GNAO1: variants seen among roughly 807,000 people sequenced by gnomAD.
The protein encoded by GNAO1 is guanine nucleotide-binding protein G(o) subunit alpha.
For missense variants in GNAO1, 166 were observed against 478.7 expected (o/e 0.35, Z 6.10); for synonymous variants, 164 against 180.7 (o/e 0.91, Z 0.74).
chr16:56,325,933 C>A (rs7188965), intron 3 of GNAO1, among the ~76,000 whole-genome samples: 2,399 of 152,340 alleles, frequency 0.016, 67 homozygotes, highest in African/African-American at 0.055. Flanking sequence ...TTCTCCTAAG[C>A]TTCCCACTTT....
At chr16:56,249,622 C>A (rs876619) in intron 2 of GNAO1, among the ~76,000 whole-genome samples, 19,634 of 152,080 alleles carry the variant, frequency 0.13, 1,606 homozygotes, top group African/African-American at 0.22. Flanking sequence ...TAAACCATAC[C>A]GGAAATTATG....
chr16:56,283,008 A>G (rs1390602778), intron 3 of GNAO1, among the ~76,000 whole-genome samples: 2 of 152,212 alleles, frequency 1.3e-5, no homozygotes, highest in African/African-American at 2.4e-5. Context: ...CTTGACTGCA[A>G]TGGGCATTTT....
chr16:56,195,927 C>T (rs577934363), intron 2 of GNAO1, among the ~76,000 whole-genome samples: 2 of 152,164 alleles, frequency 1.3e-5, no homozygotes, highest in Admixed American at 1.3e-4. Flanking sequence ...AATAAAGGAC[C>T]GGCTGGCAAT....
chr16:56,291,006 T>C (rs1182312037), intron 3 of GNAO1, among the ~76,000 whole-genome samples: 1 of 152,232 alleles, frequency 6.6e-6, no homozygotes, highest in Non-Finnish European at 1.5e-5. Flanking sequence ...ATTTCATTCA[T>C]CTATTCATCA....
At chr16:56,273,978 A>G (rs1290551150) in intron 2 of GNAO1, among the ~76,000 whole-genome samples, 10 of 152,320 alleles carry the variant, frequency 6.6e-5, no homozygotes, top group Admixed American at 3.9e-4. Context: ...ACAGACTCCA[A>G]GGAGACCCCT....
At position 56,328,791 on chromosome 16, in the gene GNAO1, A is replaced by T; in HGVS notation, c.464A>T (p.Tyr155Phe). Reference sequence around the variant, plus strand: ...TATCAGCTCAACGACTCTGCCAAATAGTGAGTGTCCCAGCGGGCGCATGGC... The same window carrying T: ...TATCAGCTCAACGACTCTGCCAAATTGTGAGTGTCCCAGCGGGCGCATGGC... ...REYQLNDSAK[Y>F]YLDSLDRIGA... Residue 155 changes from tyrosine to phenylalanine, a missense_variant and splice_region_variant, in exon 4 of 9, where the codon TAC becomes TTC. Coordinates refer to ENST00000262493, the MANE Select transcript of GNAO1 (RefSeq NM_020988.3). The T allele has an allele frequency of 1.2e-6, 2 of 1,613,974 alleles. No homozygotes were observed. The highest frequency in any genetic ancestry group is 8.5e-7 in the Non-Finnish European group (1 of 1,179,810).
chr16:56,303,473 C>T (rs1388878269), intron 3 of GNAO1, among the ~76,000 whole-genome samples: 4 of 152,206 alleles, frequency 2.6e-5, no homozygotes, highest in South Asian at 2.1e-4. Flanking sequence ...CTGCAAGGGG[C>T]TCTGCTGAGG....
chr16:56,239,460 C>T (rs1349533031), intron 2 of GNAO1, among the ~76,000 whole-genome samples: 2 of 152,164 alleles, frequency 1.3e-5, no homozygotes, highest in Non-Finnish European at 2.9e-5. Context: ...AAAAAACCTT[C>T]CAAGGACAGA....
intron 2 of GNAO1, chr16:56,245,665 A>G (rs1224471217): frequency 6.5e-6 from 1 of 154,676 alleles, no homozygotes; most frequent in East Asian, 1.9e-4. Flanking sequence ...AAAGAGAGCA[A>G]TTCTTGGGTA....
intron 2 of GNAO1, among the ~76,000 whole-genome samples, chr16:56,264,955 GTCTTC>G (rs1486568817): frequency 6.6e-6 from 1 of 152,148 alleles, no homozygotes; most frequent in African/African-American, 2.4e-5. Flanking sequence ...TTTTAGCTGA[GTCTTC>G]TCTTCTTTCC....
At position 56,278,384 on chromosome 16, in the gene GNAO1, G is replaced by A. The variant is rs545333594; in HGVS notation, c.303+2312G>A. On this transcript the variant is annotated intron_variant, in intron 3 of 8. Transcript: ENST00000262493. ...CCCCTTCCTGTATTCTTACACCTGT[G>A]AGGAGCAGGAAAGGAGTGAACCCGA... 1.2e-4 allele frequency among the ~76,000 whole-genome samples: 18 copies of A among 152,314 alleles called. No individual in the cohort carries two copies. The South Asian group carries it at 3.3e-3, about 28-fold the overall frequency.
chr16:56,227,110 AT>A (rs1454268235), intron 2 of GNAO1, among the ~76,000 whole-genome samples: 1 of 151,928 alleles, frequency 6.6e-6, no homozygotes, highest in Non-Finnish European at 1.5e-5. Context: ...TGTTTGTTTC[AT>A]TTTGTTTTAT....
intron 2 of GNAO1, among the ~76,000 whole-genome samples, chr16:56,201,440 GATC>G (rs1455854788): frequency 6.6e-6 from 1 of 152,200 alleles, no homozygotes; most frequent in Non-Finnish European, 1.5e-5. Flanking sequence ...ACAGAAACCA[GATC>G]ATGAAAGGCC....
intron 2 of GNAO1, among the ~76,000 whole-genome samples, chr16:56,267,544 C>A (rs118083992): frequency 1.3e-5 from 2 of 152,206 alleles, no homozygotes; most frequent in Non-Finnish European, 2.9e-5. Flanking sequence ...GTGCTGTTCT[C>A]TTGTCTGGAT....
At chr16:56,227,347 G>A (rs376383914) in intron 2 of GNAO1, among the ~76,000 whole-genome samples, 190 of 152,260 alleles carry the variant, frequency 1.2e-3, no homozygotes, top group African/African-American at 4.4e-3. Context: ...AGGTGTAGTG[G>A]CCTCTGCAGG....
chr16:56,350,216 G>A (rs1328125952), intron 6 of GNAO1, among the ~76,000 whole-genome samples: 1 of 152,156 alleles, frequency 6.6e-6, no homozygotes, highest in South Asian at 2.1e-4. Context: ...ATCTACACCA[G>A]CTGTCTTCTT....
At chr16:56,280,161 C>A (rs898520879) in intron 3 of GNAO1, among the ~76,000 whole-genome samples, 22 of 152,252 alleles carry the variant, frequency 1.4e-4, no homozygotes, top group African/African-American at 5.1e-4. Flanking sequence ...TGGTCATCTT[C>A]TTGGGAAGAT....
intron 3 of GNAO1, among the ~76,000 whole-genome samples, chr16:56,323,608 C>T (rs2037599378): frequency 6.6e-6 from 1 of 151,540 alleles, no homozygotes; most frequent in Admixed American, 6.6e-5. Context: ...TTCACTTCAG[C>T]TTACCTTTCT....
At chr16:56,350,803 C>T (rs1476379606) in intron 6 of GNAO1, among the ~76,000 whole-genome samples, 2 of 152,098 alleles carry the variant, frequency 1.3e-5, no homozygotes, top group Admixed American at 1.3e-4. Context: ...CAGAGAACAT[C>T]CCCCTACCCA....
Sources: gnomAD v4.1 joint callset for allele counts (sites outside exome capture counted in the v4.1 genomes callset) on GRCh38, gnomAD v4.1.1 for gene constraint, MANE v1.5 for transcripts, NCBI Gene and HGNC (gene_info 2026-07-23, HGNC 2026-07-21) for gene names.